GMDS: variants seen among roughly 807,000 people sequenced by gnomAD.
GMDS encodes the protein GDP-mannose 4,6-dehydratase, also known as GDP-mannose 4,6 dehydratase.
In GMDS, 20 loss-of-function variants were observed where a neutral mutation model predicts 49.9. The ratio of observed to expected loss-of-function variants is 0.40; its 90% CI spans 0.28 to 0.58. The LOEUF (loss-of-function observed/expected upper bound fraction) is 0.58. GMDS is among the 20% of genes least tolerant of loss of function. GMDS has a pLI of 0.42. For missense variants in GMDS, 362 were observed against 481.4 expected (o/e 0.75, Z 2.32); for synonymous variants, 177 against 178.6 (o/e 0.99, Z 0.07).
At chr6:2,131,729 A>G (rs1338173144) in intron 1 of GMDS, among the ~76,000 whole-genome samples, 1 of 152,154 alleles carries the variant, frequency 6.6e-6, no homozygotes, top group Non-Finnish European at 1.5e-5. Flanking sequence ...AGATACAGCA[A>G]GGGTGAGTCC....
intron 1 of GMDS, among the ~76,000 whole-genome samples, chr6:2,215,943 T>C (rs1477034047): frequency 2.6e-5 from 4 of 152,138 alleles, no homozygotes; most frequent in Non-Finnish European, 4.4e-5. Context: ...TGAAATCATA[T>C]ACAGTGACCA....
At chr6:1,720,150 T>G (rs887726529) in intron 9 of GMDS, among the ~76,000 whole-genome samples, 8 of 152,050 alleles carry the variant, frequency 5.3e-5, no homozygotes, top group African/African-American at 1.9e-4. Context: ...GAAAAGAAAC[T>G]TCAAGGAAAA....
intron 7 of GMDS, among the ~76,000 whole-genome samples, chr6:1,927,859 T>C (rs1474279520): frequency 5.9e-5 from 9 of 152,206 alleles, no homozygotes; most frequent in Admixed American, 3.9e-4. Context: ...GGTTTACACA[T>C]GTTCATTTAA....
In GMDS at chr6:2,001,951, C is replaced by T. The variant is rs144155490; in HGVS notation, c.346-40985G>A. Among the ~76,000 whole-genome samples the T allele has an allele frequency of 1.2e-3, 186 of 152,218 alleles. 2 individuals are homozygous for T. The highest frequency in any genetic ancestry group is 4.4e-3 in the African/African-American group (181 of 41,532). ...ATATTTAAATACATTCACTATTTGC[C>T]ACCAATTCCTTTTACTGTGGCTTTA... On this transcript the variant is annotated intron_variant, in intron 4 of 10. Transcript: ENST00000380815.
At chr6:2,163,741 A>G (rs1301033328) in intron 1 of GMDS, among the ~76,000 whole-genome samples, 6 of 152,200 alleles carry the variant, frequency 3.9e-5, no homozygotes, top group African/African-American at 1.2e-4. Context: ...TTAGACACAC[A>G]GGATGAACTA....
At chr6:1,776,575 C>G (rs1203557735) in intron 7 of GMDS, among the ~76,000 whole-genome samples, 1 of 151,916 alleles carries the variant, frequency 6.6e-6, no homozygotes, top group Non-Finnish European at 1.5e-5. Flanking sequence ...ACCTGTGGTC[C>G]CAGCTACTCA....
At chr6:2,047,982 G>C (rs1183841752) in intron 4 of GMDS, among the ~76,000 whole-genome samples, 6 of 152,120 alleles carry the variant, frequency 3.9e-5, no homozygotes, top group African/African-American at 1.4e-4. Context: ...TTTCCATAAT[G>C]CTATACCCCT....
intron 4 of GMDS, chr6:2,043,543 G>T (rs972382663): frequency 6.6e-6 from 1 of 152,130 alleles, no homozygotes; most frequent in Admixed American, 6.5e-5. Context: ...CTACCATATG[G>T]TAAGCACTCA....
intron 9 of GMDS, among the ~76,000 whole-genome samples, chr6:1,645,223 C>A (rs929407912): frequency 1.3e-5 from 2 of 151,914 alleles, no homozygotes; most frequent in Non-Finnish European, 2.9e-5. Context: ...CATGAGCCAC[C>A]GCGCCCAGCC....
chr6:1,853,987 A>G (rs984376223), intron 7 of GMDS, among the ~76,000 whole-genome samples: 1 of 152,160 alleles, frequency 6.6e-6, no homozygotes, highest in Non-Finnish European at 1.5e-5. Flanking sequence ...GAACATGGAC[A>G]TGGTCAAGAG....
At chr6:1,779,053 G>C (rs1768966367) in intron 7 of GMDS, among the ~76,000 whole-genome samples, 1 of 152,022 alleles carries the variant, frequency 6.6e-6, no homozygotes, top group Non-Finnish European at 1.5e-5. Context: ...GCTCAAGTGG[G>C]GGTCTCAAGA....
intron 9 of GMDS, among the ~76,000 whole-genome samples, chr6:1,699,254 G>A (rs879795089): frequency 1.3e-5 from 2 of 152,048 alleles, no homozygotes; most frequent in Admixed American, 6.6e-5. Flanking sequence ...ATGTTTTGAG[G>A]TTGCAAAGAA....
intron 7 of GMDS, among the ~76,000 whole-genome samples, chr6:1,868,016 TC>T (rs1295115540): frequency 2.6e-5 from 4 of 151,750 alleles, no homozygotes; most frequent in Admixed American, 2.6e-4. Context: ...CCCTGGAGTC[TC>T]GCTCTGTCAC....
intron 4 of GMDS, among the ~76,000 whole-genome samples, chr6:1,995,628 C>G (rs973512935): frequency 1.3e-5 from 2 of 152,188 alleles, no homozygotes; most frequent in East Asian, 3.9e-4. Context: ...CACCACTGCC[C>G]CCAGCTGCAC....
chr6:2,233,123 T>C (rs1781189828), intron 1 of GMDS, among the ~76,000 whole-genome samples: 1 of 152,170 alleles, frequency 6.6e-6, no homozygotes, highest in African/African-American at 2.4e-5. Context: ...TAATGATAAA[T>C]TGTATGTTAC....
At chr6:1,655,945 C>A (rs1486790238) in intron 9 of GMDS, among the ~76,000 whole-genome samples, 1 of 152,192 alleles carries the variant, frequency 6.6e-6, no homozygotes, top group African/African-American at 2.4e-5. Context: ...GTCAGAATCA[C>A]ATTGTGATGT....
chr6:1,936,476 G>C (rs980267880), intron 6 of GMDS, among the ~76,000 whole-genome samples: 1 of 152,174 alleles, frequency 6.6e-6, no homozygotes, highest in Non-Finnish European at 1.5e-5. Flanking sequence ...CAAGGCAAGG[G>C]AATAATAGCT....
At chr6:2,172,418 C>T (rs745459163) in intron 1 of GMDS, among the ~76,000 whole-genome samples, 5 of 152,262 alleles carry the variant, frequency 3.3e-5, no homozygotes, top group Non-Finnish European at 4.4e-5. Context: ...TATGGCCGGG[C>T]GCAGTGGCTC....
chr6:2,224,995 TC>T (rs143556887), intron 1 of GMDS, among the ~76,000 whole-genome samples: 2,571 of 152,116 alleles, frequency 0.017, 40 homozygotes, highest in East Asian at 0.065. Context: ...CGCACGTACG[TC>T]CACACGATGT....
Sources: allele counts gnomAD v4.1 joint callset (sites outside exome capture counted in the v4.1 genomes callset), GRCh38; gene constraint gnomAD v4.1.1; transcripts MANE v1.5; gene names NCBI Gene and HGNC (gene_info 2026-07-23, HGNC 2026-07-21).